Variants in SMAD5 observed in about 807,000 individuals in gnomAD.
The protein encoded by SMAD5 is SMAD family member 5.
Under a neutral mutation model 43.1 loss-of-function variants are expected in SMAD5, and 9 were observed. That is an observed-to-expected ratio of 0.21 (90% CI 0.13 to 0.36). The LOEUF (loss-of-function observed/expected upper bound fraction) is 0.36, where lower values mean the gene tolerates loss of function less well. Among genes scored for constraint, SMAD5 ranks in the 10% least tolerant of loss-of-function variants. The probability of loss-of-function intolerance (pLI) is 1.00; values close to 1 mark genes in which losing one functional copy is unlikely to be tolerated. For missense variants in SMAD5, 348 were observed against 574.0 expected (o/e 0.61, Z 4.02); for synonymous variants, 190 against 192.4 (o/e 0.99, Z 0.10).
chr5:136,172,948 A>C (rs1754279486), intron 6 of SMAD5: 1 of 379,702 alleles, frequency 2.6e-6, no homozygotes, highest in Non-Finnish European at 4.9e-6. Flanking sequence ...TGCTTTGTTC[A>C]CAGCAGTATC....
chr5:136,139,368 G>A (rs1257495960), intron 1 of SMAD5, among the ~76,000 whole-genome samples: 1 of 152,080 alleles, frequency 6.6e-6, no homozygotes, highest in East Asian at 1.9e-4. Context: ...TGGTTAATGT[G>A]TATAAAACTT....
chr5:136,149,081 C>T (rs1157570104), intron 2 of SMAD5, among the ~76,000 whole-genome samples: 3 of 151,604 alleles, frequency 2.0e-5, no homozygotes, highest in Non-Finnish European at 3.0e-5. Context: ...GTTAGTTTTG[C>T]CTGTTTTTGA....
chr5:136,168,715 T>C (rs1330995216), intron 5 of SMAD5, among the ~76,000 whole-genome samples: 1 of 152,238 alleles, frequency 6.6e-6, no homozygotes, highest in Non-Finnish European at 1.5e-5. Context: ...GTGCTCTGCC[T>C]GTTCACCTCT....
chr5:136,160,237 G>C (rs184326148), intron 3 of SMAD5, among the ~76,000 whole-genome samples: 1 of 152,150 alleles, frequency 6.6e-6, no homozygotes, highest in Non-Finnish European at 1.5e-5. Flanking sequence ...ATGGAAAACC[G>C]TACTGAACAA....
Position 136,160,899 on chromosome 5 carries a change from A to G in SMAD5, c.447A>G (p.Pro149=). ...TGCCTCGTCATAATGAATTCAATCC[A>G]CAACACAGCCTTCTGGTTCAGTTTA... ...VLVPRHNEFN[P]QHSLLVQFRN... Residue 149 remains proline, a synonymous_variant, in exon 4 of 8, where the codon CCA becomes CCG. Coordinates refer to ENST00000545279, the MANE Select transcript of SMAD5 (RefSeq NM_005903.7). 1 of 1,613,910 alleles carries G rather than the reference A, an allele frequency of 6.2e-7. No homozygotes were observed.
intron 1 of SMAD5, chr5:136,134,057 T>TGGG (rs1752787781): frequency 1.2e-4 from 2 of 16,614 alleles, no homozygotes; most frequent in Non-Finnish European, 2.7e-4. Flanking sequence ...GGGGGGGTGT[T>TGGG]GCGGGGGGAG....
intron 1 of SMAD5, among the ~76,000 whole-genome samples, chr5:136,136,916 C>G (rs1213921149): frequency 6.6e-6 from 1 of 151,982 alleles, no homozygotes; most frequent in Admixed American, 6.6e-5. Context: ...AGGCTGGTCT[C>G]GAACTTCTGA....
rs1231125947 is a variant in SMAD5 at position 136,180,962 on chromosome 5, T to TG, written c.*3486dup. 2.0e-5 allele frequency: 3 copies of TG among 152,170 alleles called. No individual in the cohort carries two copies. The highest frequency in any genetic ancestry group is 7.2e-5 in the African/African-American group (3 of 41,466). 9.4% of individuals were successfully genotyped at this position (152,170 alleles called of 1,614,324 possible). A position where few individuals can be genotyped will look rare whatever the true frequency, so the allele number is the denominator to read the frequency against. On this transcript the variant is annotated 3_prime_UTR_variant, in exon 8 of 8. Transcript: ENST00000545279. ...CTTCCATATTACCTGAGGGTACCTG[T>TG]GGGGAACAGTTCCTTCCCCTGTGTG...
chr5:136,169,492 C>T (rs1339287698), intron 5 of SMAD5, among the ~76,000 whole-genome samples: 2 of 152,164 alleles, frequency 1.3e-5, no homozygotes, highest in African/African-American at 4.8e-5. Context: ...ATTTCATTGT[C>T]TTGGTTGTAC....
chr5:136,162,490 T>G (rs1242254734), intron 4 of SMAD5, among the ~76,000 whole-genome samples: 2 of 152,240 alleles, frequency 1.3e-5, no homozygotes, highest in Non-Finnish European at 2.9e-5. Flanking sequence ...TGCCAGCTGT[T>G]TAACTTGCTA....
intron 2 of SMAD5, among the ~76,000 whole-genome samples, chr5:136,148,464 A>G (rs1442518511): frequency 6.6e-6 from 1 of 151,804 alleles, no homozygotes; most frequent in Non-Finnish European, 1.5e-5. Context: ...ATACATATAA[A>G]ACATGGAGAA....
Position 136,177,566 on chromosome 5 carries a change from T to A in SMAD5, c.*86T>A, listed in dbSNP as rs753669091. 1 of 993,616 alleles carries A rather than the reference T, an allele frequency of 1.0e-6. No homozygotes were observed. Among genetic ancestry groups the A allele is most frequent in the Non-Finnish European group, 1.5e-6 (1 of 678,568 alleles). The allele number at this position is 993,616 out of a possible 1,614,324, so 61.5% of individuals were successfully genotyped here. A position where few individuals can be genotyped will look rare whatever the true frequency, so the allele number is the denominator to read the frequency against. Reference sequence around the variant, plus strand: ...TGAGTACAGATACTGTGAGCTTACATTGAAAACAGATATTACAGCTTATTT... The same window carrying A: ...TGAGTACAGATACTGTGAGCTTACAATGAAAACAGATATTACAGCTTATTT... On this transcript the variant is annotated 3_prime_UTR_variant, in exon 8 of 8. Coordinates refer to ENST00000545279, the MANE Select transcript of SMAD5 (RefSeq NM_005903.7).
intron 3 of SMAD5, 42 bp downstream of exon 3, chr5:136,154,205 A>G (rs1753559479): frequency 7.8e-7 from 1 of 1,287,948 alleles, no homozygotes. Context: ...AACAAAAACA[A>G]AAAACCTCTC....
intron 7 of SMAD5, 70 bp from the exon 8 acceptor site, chr5:136,177,267 T>TGG (rs1459733938): frequency 7.5e-7 from 1 of 1,332,582 alleles, no homozygotes; most frequent in Admixed American, 1.7e-5. Flanking sequence ...CTTTTTCTTA[T>TGG]GGTAAAATTG....
At chr5:136,177,116 G>A (rs1028860632) in intron 7 of SMAD5, among the ~76,000 whole-genome samples, 14 of 152,080 alleles carry the variant, frequency 9.2e-5, no homozygotes, top group African/African-American at 3.4e-4. Context: ...TCTTTTAAGG[G>A]AATTATATAT....
At chr5:136,177,041 A>T (rs1413421637) in intron 7 of SMAD5, among the ~76,000 whole-genome samples, 1 of 152,162 alleles carries the variant, frequency 6.6e-6, no homozygotes, top group Non-Finnish European at 1.5e-5. Flanking sequence ...TAATTATGAG[A>T]TACTGTACTG....
chr5:136,136,222 A>G (rs541108105), intron 1 of SMAD5, among the ~76,000 whole-genome samples: 36 of 152,260 alleles, frequency 2.4e-4, no homozygotes, highest in South Asian at 4.1e-4. Flanking sequence ...CTGTCGCCCA[A>G]TCTGGAGTCC....
At chr5:136,169,243 G>A (rs886320019) in intron 5 of SMAD5, among the ~76,000 whole-genome samples, 12 of 152,114 alleles carry the variant, frequency 7.9e-5, no homozygotes, top group Non-Finnish European at 1.2e-4. Context: ...GATGAAGGCC[G>A]GAAGACTCAG....
chr5:136,158,791 C>T (rs779723992), intron 3 of SMAD5, among the ~76,000 whole-genome samples: 19 of 151,804 alleles, frequency 1.3e-4, no homozygotes, highest in African/African-American at 3.4e-4. Flanking sequence ...CTCAGCTACT[C>T]GGGAGGCTGA....
Sources: gnomAD v4.1 joint callset for allele counts (sites outside exome capture counted in the v4.1 genomes callset) on GRCh38, gnomAD v4.1.1 for gene constraint, MANE v1.5 for transcripts, NCBI Gene and HGNC (gene_info 2026-07-23, HGNC 2026-07-21) for gene names.